Variants in JMJD1C observed in about 807,000 individuals in gnomAD.
The protein encoded by JMJD1C is jumonji domain-containing protein 1C.
Under a neutral mutation model 245.3 loss-of-function variants are expected in JMJD1C, and 31 were observed. The ratio of observed to expected loss-of-function variants is 0.13; its 90% CI spans 0.09 to 0.17. The LOEUF (loss-of-function observed/expected upper bound fraction) is 0.17, where lower values mean the gene tolerates loss of function less well. Ranked by LOEUF, JMJD1C falls within the 10% of genes least tolerant of loss-of-function variation. JMJD1C has a pLI of 1.00. For synonymous variants in JMJD1C, 1,057 were observed against 1,017.4 expected (o/e 1.04, Z -0.74); for missense variants, 2,691 against 3,000.2 (o/e 0.90, Z 2.41).
intron 2 of JMJD1C, among the ~76,000 whole-genome samples, chr10:63,316,329 C>CTCT (rs1940053611): frequency 6.6e-6 from 1 of 152,162 alleles, no homozygotes; most frequent in African/African-American, 2.4e-5. Context: ...TCATTGGCTG[C>CTCT]TTTTGGCATT....
chr10:63,247,731 A>AAAG (rs1554853946), intron 3 of JMJD1C, among the ~76,000 whole-genome samples: 1 of 151,444 alleles, frequency 6.6e-6, no homozygotes, highest in Non-Finnish European at 1.5e-5. Context: ...AAAAAAAAAA[A>AAAG]AAAAAAAGAA....
chr10:63,410,843 C>T (rs1334547161), intron 1 of JMJD1C, among the ~76,000 whole-genome samples: 1 of 152,178 alleles, frequency 6.6e-6, no homozygotes, highest in African/African-American at 2.4e-5. Flanking sequence ...TATCTTCCAA[C>T]AGCAAACAAT....
intron 2 of JMJD1C, among the ~76,000 whole-genome samples, chr10:63,306,579 A>G (rs935766732): frequency 2.6e-5 from 4 of 152,222 alleles, no homozygotes; most frequent in Non-Finnish European, 5.9e-5. Flanking sequence ...TTTAATTTTA[A>G]AAAGTGTATA....
intron 2 of JMJD1C, among the ~76,000 whole-genome samples, chr10:63,310,886 C>T (rs954951877): frequency 5.9e-5 from 9 of 151,748 alleles, no homozygotes; most frequent in Non-Finnish European, 1.2e-4. Context: ...CAAAGAAGGA[C>T]AAATAAACCC....
At chr10:63,283,204 C>A (rs1857597104) in intron 2 of JMJD1C, among the ~76,000 whole-genome samples, 2 of 152,338 alleles carry the variant, frequency 1.3e-5, no homozygotes, top group South Asian at 4.1e-4. Context: ...ATAAAGATTT[C>A]TTCCAGAGTT....
At chr10:63,220,296 A>G (rs1430908718) in intron 3 of JMJD1C, among the ~76,000 whole-genome samples, 2 of 152,250 alleles carry the variant, frequency 1.3e-5, no homozygotes. Context: ...GAAGCAATAT[A>G]CAAATGAAAT....
intron 1 of JMJD1C, among the ~76,000 whole-genome samples, chr10:63,398,198 T>C (rs1252175229): frequency 5.3e-5 from 8 of 152,178 alleles, no homozygotes; most frequent in African/African-American, 7.2e-5. Context: ...AGTTAAGATC[T>C]AAATAAGGTC....
Position 63,213,949 on chromosome 10 carries a change from G to A in JMJD1C, c.2218C>T (p.Leu740Phe). Reference protein sequence around the residue: ...SPFLSQHPFPLHSSSHRTCLN... With the variant: ...SPFLSQHPFPFHSSSHRTCLN... ...CAGGTTCTATGAGATGAGGAGTGAA[G>A]AGGAAAAGGATGCTGGCTTAGGAAA... The change falls in exon 8 of 26, where the codon CTT (leucine) becomes TTT (phenylalanine). Residue 740 changes from leucine to phenylalanine, a missense_variant. Around this residue, in one of 9 missense-constraint regions of JMJD1C, gnomAD observed 1,562 missense variants for 1,490.7 expected, o/e 1.05. Coordinates refer to ENST00000399262, the MANE Select transcript of JMJD1C (RefSeq NM_032776.3). 4 of 1,613,878 alleles carry A rather than the reference G, an allele frequency of 2.5e-6. No individual in the cohort carries two copies. Among genetic ancestry groups the A allele is most frequent in the Non-Finnish European group, 3.4e-6 (4 of 1,179,820 alleles).
intron 1 of JMJD1C, among the ~76,000 whole-genome samples, chr10:63,482,150 A>G (rs1953849659): frequency 6.6e-6 from 1 of 152,150 alleles, no homozygotes; most frequent in Non-Finnish European, 1.5e-5. Flanking sequence ...TTTCCTTACG[A>G]CATTGATGAG....
At chr10:63,262,169 A>C (rs1854852409) in intron 3 of JMJD1C, among the ~76,000 whole-genome samples, 1 of 152,252 alleles carries the variant, frequency 6.6e-6, no homozygotes, top group Non-Finnish European at 1.5e-5. Flanking sequence ...CACTATTTAC[A>C]AAATTTATGC....
intron 1 of JMJD1C, among the ~76,000 whole-genome samples, chr10:63,487,679 G>T (rs1208061860): frequency 3.3e-5 from 5 of 152,176 alleles, no homozygotes; most frequent in Admixed American, 6.5e-5. Context: ...CAAAGATTTA[G>T]TATGTGAGAG....
intron 2 of JMJD1C, among the ~76,000 whole-genome samples, chr10:63,359,746 CAA>C (rs1945165067): frequency 6.6e-6 from 1 of 152,020 alleles, no homozygotes; most frequent in South Asian, 2.1e-4. Context: ...AAATGCTAAT[CAA>C]AATATAGTTA....
intron 3 of JMJD1C, among the ~76,000 whole-genome samples, chr10:63,263,959 T>TACACACAC (rs746833882): frequency 1.4e-3 from 115 of 83,012 alleles, no homozygotes; most frequent in South Asian, 3.9e-3. Context: ...AAAATACACA[T>TACACACAC]ACACACACAC....
intron 1 of JMJD1C, among the ~76,000 whole-genome samples, chr10:63,445,104 A>C (rs1049893980): frequency 2.0e-5 from 3 of 151,964 alleles, no homozygotes; most frequent in Admixed American, 6.6e-5. Flanking sequence ...GTGGTGGTAC[A>C]CATCTGTAGT....
intron 1 of JMJD1C, among the ~76,000 whole-genome samples, chr10:63,424,228 C>CTTT (rs5785572): frequency 1.1e-3 from 149 of 139,782 alleles, no homozygotes; most frequent in African/African-American, 3.5e-3. Context: ...CCATACCCAG[C>CTTT]TTTTTTTTTT....
chr10:63,308,012 G>C (rs960991451), intron 2 of JMJD1C, among the ~76,000 whole-genome samples: 4 of 151,964 alleles, frequency 2.6e-5, no homozygotes, highest in African/African-American at 9.7e-5. Context: ...AAATTAGCTG[G>C]GCATGGTGGC....
At chr10:63,330,589 A>G (rs928695181) in intron 2 of JMJD1C, among the ~76,000 whole-genome samples, 1 of 152,184 alleles carries the variant, frequency 6.6e-6, no homozygotes, top group African/African-American at 2.4e-5. Flanking sequence ...TAATGTTCAC[A>G]TATTTAAAAT....
intron 2 of JMJD1C, among the ~76,000 whole-genome samples, chr10:63,286,243 C>G (rs1319620228): frequency 1.3e-5 from 2 of 152,190 alleles, no homozygotes; most frequent in Non-Finnish European, 2.9e-5. Context: ...TCCACAATTT[C>G]AGAATTTTCA....
At chr10:63,385,572 G>A (rs946619933) in intron 1 of JMJD1C, among the ~76,000 whole-genome samples, 39 of 151,194 alleles carry the variant, frequency 2.6e-4, no homozygotes, top group African/African-American at 8.8e-4. Context: ...CAAGCATCTG[G>A]GACTACAGGT....
Sources: allele counts gnomAD v4.1 joint callset (sites outside exome capture counted in the v4.1 genomes callset), GRCh38; gene constraint gnomAD v4.1.1; regional missense constraint gnomAD v4.1.1; transcripts MANE v1.5; gene names NCBI Gene and HGNC (gene_info 2026-07-23, HGNC 2026-07-21).